Variants in SNAP91 observed in about 807,000 individuals in gnomAD.
The protein encoded by SNAP91 is synaptosome associated protein 91.
SNAP91 carries 27 observed loss-of-function variants against 100.3 expected under a neutral mutation model. The observed-to-expected ratio is 0.27, with a 90% CI of 0.20 to 0.37. The LOEUF is 0.37. SNAP91 is among the 10% of genes least tolerant of loss of function. The pLI is 1.00. For synonymous variants in SNAP91, 404 were observed against 398.6 expected, an observed-to-expected ratio of 1.01 and a Z score of -0.16; for missense variants, 986 against 1,123.7, an observed-to-expected ratio of 0.88 and a Z score of 1.75.
intron 9 of SNAP91, among the ~76,000 whole-genome samples, chr6:83,620,780 C>T (rs1584255101): frequency 6.6e-6 from 1 of 151,714 alleles, no homozygotes; most frequent in Non-Finnish European, 1.5e-5. Context: ...GGCGCGATCT[C>T]GGCTCACTGT....
In SNAP91 at chr6:83,659,086, A is replaced by G. The variant is rs7770647; in HGVS notation, c.459T>C (p.Asp153=). The change falls in exon 6 of 30, where the codon GAT becomes GAC. Residue 153 remains aspartate (D), a synonymous_variant. Transcript: ENST00000369694. ...CGGGAGCCATTGTCCTCATTACACC[A>G]TCGGCCCTACAATTAAAAAAAAAAA... ...FDFARVKKGA[D]GVMRTMAPEK... The G allele has an allele frequency of 6.3e-7, 1 of 1,581,058 alleles. No homozygotes were observed. Among genetic ancestry groups the G allele is most frequent in the Non-Finnish European group, 8.6e-7 (1 of 1,163,888 alleles).
intron 14 of SNAP91, among the ~76,000 whole-genome samples, chr6:83,603,318 G>A (rs1013823580): frequency 4.6e-5 from 7 of 152,196 alleles, no homozygotes; most frequent in African/African-American, 1.7e-4. Flanking sequence ...TACCTATTGG[G>A]ACAACTGATG....
chr6:83,662,015 A>C (rs982628648), intron 4 of SNAP91, among the ~76,000 whole-genome samples: 2 of 152,126 alleles, frequency 1.3e-5, no homozygotes, highest in Non-Finnish European at 2.9e-5. Context: ...ATCCACACAA[A>C]ACATTTCTTT....
intron 2 of SNAP91, chr6:83,678,697 A>G (rs2098945084): frequency 8.2e-7 from 1 of 1,213,744 alleles, no homozygotes; most frequent in Admixed American, 2.3e-5. Flanking sequence ...TCTACCTTCC[A>G]CTCCTGCTCC....
intron 14 of SNAP91, among the ~76,000 whole-genome samples, chr6:83,601,992 T>C (rs1227701384): frequency 2.0e-5 from 3 of 152,170 alleles, no homozygotes; most frequent in African/African-American, 4.8e-5. Context: ...AGTAATCCCA[T>C]GTTTCTCAAA....
At chr6:83,628,204 A>G (rs2097037954) in intron 8 of SNAP91, among the ~76,000 whole-genome samples, 1 of 121,764 alleles carries the variant, frequency 8.2e-6, no homozygotes, top group Non-Finnish European at 1.7e-5. Context: ...TTTTATAGCT[A>G]AGTAATATTC....
At chr6:83,678,497 C>A (rs2098941657) in intron 2 of SNAP91, among the ~76,000 whole-genome samples, 1 of 152,166 alleles carries the variant, frequency 6.6e-6, no homozygotes, top group Non-Finnish European at 1.5e-5. Flanking sequence ...GTTTTCTGTT[C>A]CAATCAAGCT....
intron 6 of SNAP91, among the ~76,000 whole-genome samples, chr6:83,657,913 T>G (rs1260189805): frequency 2.0e-5 from 3 of 149,452 alleles, no homozygotes; most frequent in Admixed American, 6.7e-5. Context: ...ATTACAGGCA[T>G]GCACCACCAC....
chr6:83,567,193 T>C (rs1797891077), intron 26 of SNAP91, among the ~76,000 whole-genome samples: 1 of 152,160 alleles, frequency 6.6e-6, no homozygotes, highest in Admixed American at 6.5e-5. Flanking sequence ...CCGCCTCAGT[T>C]TCTGGGAGTA....
At chr6:83,630,252 G>A (rs2097151934) in intron 8 of SNAP91, among the ~76,000 whole-genome samples, 1 of 152,086 alleles carries the variant, frequency 6.6e-6, no homozygotes, top group Non-Finnish European at 1.5e-5. Flanking sequence ...TAGTTAGCCA[G>A]TATTTTGTTA....
chr6:83,650,447 C>T (rs916354203), intron 7 of SNAP91, among the ~76,000 whole-genome samples: 5 of 151,986 alleles, frequency 3.3e-5, no homozygotes, highest in African/African-American at 1.2e-4. Flanking sequence ...GAGATGGAGT[C>T]TCACTCTGTT....
chr6:83,707,715 T>C, intron 2 of SNAP91, 83 bp downstream of exon 2: 3 of 1,556,456 alleles, frequency 1.9e-6, no homozygotes, highest in Middle Eastern at 4.3e-4. Context: ...CACAGCATTA[T>C]GGACCAAGAG....
rs114858407 is a variant in SNAP91, at chr6:83,623,897, T to C, written c.766-555A>G. Among the ~76,000 whole-genome samples the C allele has an allele frequency of 9.4e-3, 1,433 of 152,218 alleles. 25 individuals are homozygous for C. The highest frequency in any genetic ancestry group is 0.032 in the African/African-American group (1,339 of 41,568). The stretch of plus-strand genomic sequence containing the variant: ...TAACATATTATATATAATGAACTTA[T>C]GTTTCACTAAAAAATATATCTTAGA... On this transcript the variant is annotated intron_variant, in intron 8 of 29. Coordinates refer to ENST00000369694, the MANE Select transcript of SNAP91 (RefSeq NM_001242792.2).
chr6:83,623,069 T>A (rs1364949380), intron 9 of SNAP91, among the ~76,000 whole-genome samples: 2 of 152,136 alleles, frequency 1.3e-5, no homozygotes, highest in African/African-American at 2.4e-5. Flanking sequence ...ATTTACTAAA[T>A]TCAGTTGCGT....
intron 2 of SNAP91, among the ~76,000 whole-genome samples, chr6:83,704,642 A>G (rs2099356360): frequency 6.6e-6 from 1 of 152,096 alleles, no homozygotes; most frequent in Non-Finnish European, 1.5e-5. Flanking sequence ...GTACCTTAAT[A>G]TTAAATACAT....
intron 28 of SNAP91, among the ~76,000 whole-genome samples, chr6:83,557,224 T>C (rs1780133008): frequency 6.6e-6 from 1 of 152,176 alleles, no homozygotes; most frequent in Non-Finnish European, 1.5e-5. Flanking sequence ...CCTATGCTTG[T>C]AGTAACATGC....
intron 14 of SNAP91, among the ~76,000 whole-genome samples, chr6:83,604,456 T>C (rs780681511): frequency 1.7e-4 from 26 of 152,178 alleles, no homozygotes; most frequent in Non-Finnish European, 3.4e-4. Context: ...TATTTATAGT[T>C]AGCAACATTA....
chr6:83,605,648 G>A, intron 14 of SNAP91, 37 bp downstream of exon 14: 1 of 1,549,040 alleles, frequency 6.5e-7, no homozygotes, highest in Non-Finnish European at 8.7e-7. Flanking sequence ...GAAATAAAAT[G>A]AATAGAGAAA....
chr6:83,661,491 CA>C lies in SNAP91; in HGVS notation c.452+10del, dbSNP rs776712813. On this transcript the variant is annotated intron_variant, in intron 5 of 29. Coordinates refer to ENST00000369694, the MANE Select transcript of SNAP91 (RefSeq NM_001242792.2). ...TCTCCTCTAATAAATATAAGAAAGACAAAAACATACCCTTTCTTCACCCTGG... is the reference window on the plus strand; with the variant it reads ...TCTCCTCTAATAAATATAAGAAAGACAAAACATACCCTTTCTTCACCCTGG... 27 of 1,544,874 alleles carry C rather than the reference CA, an allele frequency of 1.7e-5. No individual in the cohort carries two copies. The highest frequency in any genetic ancestry group is 2.4e-5 in the Non-Finnish European group (27 of 1,130,152).
Sources: allele counts gnomAD v4.1 joint callset (sites outside exome capture counted in the v4.1 genomes callset), GRCh38; gene constraint gnomAD v4.1.1; transcripts MANE v1.5; gene names NCBI Gene and HGNC (gene_info 2026-07-23, HGNC 2026-07-21).